DPP10: variants seen among roughly 807,000 people sequenced by gnomAD.
DPP10 encodes the protein dipeptidyl peptidase like 10.
Under a neutral mutation model 120.9 loss-of-function variants are expected in DPP10, and 33 were observed. That is an observed-to-expected ratio of 0.27 (90% CI 0.21 to 0.37). The LOEUF (loss-of-function observed/expected upper bound fraction) is 0.37, where lower values mean the gene tolerates loss of function less well. Ranked by LOEUF, DPP10 falls within the 10% of genes least tolerant of loss-of-function variation. The pLI is 1.00. For missense variants in DPP10, 816 were observed against 942.8 expected (o/e 0.87, Z 1.76); for synonymous variants, 337 against 326.1 (o/e 1.03, Z -0.36).
intron 3 of DPP10, among the ~76,000 whole-genome samples, chr2:115,431,099 G>C (rs1036978033): frequency 1.3e-5 from 2 of 152,198 alleles, no homozygotes; most frequent in Non-Finnish European, 1.5e-5. Flanking sequence ...TATTATTCAT[G>C]ACAGTGCCCT....
At position 115,603,122 on chromosome 2, in the gene DPP10, CTGTGTGTGTGTG is replaced by C. The variant is rs61161169; in HGVS notation, c.441+77186_441+77197del. Among the ~76,000 whole-genome samples, 348 of 143,994 alleles carry C rather than the reference CTGTGTGTGTGTG, an allele frequency of 2.4e-3. 3 individuals are homozygous for C. The highest frequency in any genetic ancestry group is 3.2e-3 in the Non-Finnish European group (212 of 65,684). The allele number at this position is 143,994 out of a possible 152,430, so 94.5% of individuals were successfully genotyped here. On this transcript the variant is annotated intron_variant, in intron 5 of 25. Coordinates refer to ENST00000410059, the MANE Select transcript of DPP10 (RefSeq NM_020868.6). ...GTTATCATTTAAAAAATAAATAAAACTGTGTGTGTGTGTGTGTGTGTGTGTGTGTGTGTGTGT... is the reference window on the plus strand; with the variant it reads ...GTTATCATTTAAAAAATAAATAAAACTGTGTGTGTGTGTGTGTGTGTGTGT...
At chr2:114,988,427 ACT>A (rs1227432073) in intron 1 of DPP10, among the ~76,000 whole-genome samples, 1 of 152,116 alleles carries the variant, frequency 6.6e-6, no homozygotes, top group East Asian at 1.9e-4. Flanking sequence ...AAAAGCCAAG[ACT>A]CTTCCTTCTG....
At chr2:114,790,223 G>A (rs1435346707) in intron 1 of DPP10, among the ~76,000 whole-genome samples, 2 of 152,200 alleles carry the variant, frequency 1.3e-5, no homozygotes, top group Non-Finnish European at 2.9e-5. Flanking sequence ...TAAAGCCATG[G>A]TGTGGAATTC....
intron 2 of DPP10, among the ~76,000 whole-genome samples, chr2:115,326,024 T>A (rs866040635): frequency 8.5e-5 from 13 of 152,186 alleles, no homozygotes; most frequent in African/African-American, 1.2e-4. Flanking sequence ...CTGAATAATA[T>A]TTTAATACTC....
chr2:115,377,902 A>G (rs1181383362), intron 3 of DPP10, among the ~76,000 whole-genome samples: 1 of 151,956 alleles, frequency 6.6e-6, no homozygotes, highest in Non-Finnish European at 1.5e-5. Flanking sequence ...GTTCTGTTCC[A>G]TTGGTCTATA....
intron 1 of DPP10, among the ~76,000 whole-genome samples, chr2:114,543,896 T>TGG (rs1687157549): frequency 2.6e-5 from 4 of 151,484 alleles, no homozygotes; most frequent in African/African-American, 9.7e-5. Flanking sequence ...GTGGTGGTGG[T>TGG]TGTTTTTGTT....
chr2:115,773,366 G>A (rs1013975150), intron 13 of DPP10, among the ~76,000 whole-genome samples: 2 of 152,020 alleles, frequency 1.3e-5, no homozygotes, highest in African/African-American at 4.8e-5. Flanking sequence ...ACTTCCTTGA[G>A]CAAGATAAAA....
chr2:115,686,500 T>A (rs1368652932), intron 5 of DPP10, among the ~76,000 whole-genome samples: 2 of 152,184 alleles, frequency 1.3e-5, no homozygotes, highest in African/African-American at 4.8e-5. Context: ...AGTTGCTAAT[T>A]CAGTGTTTAT....
intron 3 of DPP10, among the ~76,000 whole-genome samples, chr2:115,435,049 C>CA (rs1477690489): frequency 4.3e-5 from 2 of 46,918 alleles, no homozygotes; most frequent in South Asian, 1.6e-3. Context: ...TACACATGCA[C>CA]ACATATATAT....
chr2:115,376,898 T>C (rs1449531812), intron 3 of DPP10, among the ~76,000 whole-genome samples: 26 of 148,908 alleles, frequency 1.7e-4, no homozygotes, highest in African/African-American at 5.9e-4. Flanking sequence ...TTTTTATGGC[T>C]GCATAGTATT....
chr2:115,515,964 A>C (rs1433140365), intron 4 of DPP10, among the ~76,000 whole-genome samples: 12 of 152,152 alleles, frequency 7.9e-5, no homozygotes, highest in Admixed American at 7.9e-4. Context: ...GACATTGAAA[A>C]ACATGCATAA....
At chr2:114,578,793 A>G (rs992254845) in intron 1 of DPP10, among the ~76,000 whole-genome samples, 1 of 152,218 alleles carries the variant, frequency 6.6e-6, no homozygotes, top group African/African-American at 2.4e-5. Context: ...ATAACCTGCT[A>G]CCAGGATGGC....
intron 1 of DPP10, among the ~76,000 whole-genome samples, chr2:114,547,152 T>C (rs1687479769): frequency 6.6e-6 from 1 of 152,268 alleles, no homozygotes; most frequent in South Asian, 2.1e-4. Flanking sequence ...CAGTTGCTGC[T>C]TTGAGATTCT....
chr2:114,762,820 T>G (rs1298320681), intron 1 of DPP10, among the ~76,000 whole-genome samples: 1 of 152,238 alleles, frequency 6.6e-6, no homozygotes, highest in Admixed American at 6.5e-5. Context: ...TGAAATGTAT[T>G]CTTTTACTGA....
intron 1 of DPP10, among the ~76,000 whole-genome samples, chr2:115,233,505 A>G (rs1252244764): frequency 1.3e-5 from 2 of 152,050 alleles, no homozygotes; most frequent in African/African-American, 4.8e-5. Context: ...CATCATTTGG[A>G]GCTGGAGAAG....
At chr2:114,461,491 TC>T in intron 1 of DPP10, 1 of 766,520 alleles carries the variant, frequency 1.3e-6, no homozygotes, top group Non-Finnish European at 1.6e-6. Context: ...ATTACCTGTC[TC>T]CCTCAACCAA....
intron 1 of DPP10, among the ~76,000 whole-genome samples, chr2:115,057,607 T>A (rs1338256259): frequency 6.6e-6 from 1 of 152,202 alleles, no homozygotes; most frequent in African/African-American, 2.4e-5. Flanking sequence ...TTTGTTTTGG[T>A]CTTTTGCTTC....
At position 114,554,071 on chromosome 2, in the gene DPP10, GA is replaced by G. The variant is rs571817810; in HGVS notation, c.60+111234del. ...TCATCAGGAACAACTTTTCATAGGA[GA>G]GTTGATGTTAGTGAATCCATAATTG... On this transcript the variant is annotated intron_variant, in intron 1 of 25. Transcript: ENST00000410059. Among the ~76,000 whole-genome samples, 657 of 152,326 alleles carry G rather than the reference GA, an allele frequency of 4.3e-3. 1 individual carries two copies. The Middle Eastern group carries it at 0.048, about 11-fold the overall frequency.
At chr2:115,416,780 T>C (rs2069473881) in intron 3 of DPP10, among the ~76,000 whole-genome samples, 1 of 152,194 alleles carries the variant, frequency 6.6e-6, no homozygotes, top group African/African-American at 2.4e-5. Flanking sequence ...TTCTGCACAC[T>C]GAGAACTCAA....
Sources: gnomAD v4.1 joint callset for allele counts (sites outside exome capture counted in the v4.1 genomes callset) on GRCh38, gnomAD v4.1.1 for gene constraint, MANE v1.5 for transcripts, NCBI Gene and HGNC (gene_info 2026-07-23, HGNC 2026-07-21) for gene names.